The following CANX variants were observed in gnomAD, a reference collection of about 807,000 sequenced individuals.
The protein encoded by CANX is epididymis secretory sperm binding protein.
Under a neutral mutation model 75.7 loss-of-function variants are expected in CANX, and 14 were observed. The ratio of observed to expected loss-of-function variants is 0.19; its 90% confidence interval spans 0.12 to 0.29. The LOEUF is 0.29. Among genes scored for constraint, CANX ranks in the 10% least tolerant of loss-of-function variants. CANX has a pLI of 1.00. For missense variants in CANX, 567 were observed against 713.2 expected (o/e 0.79, Z 2.34); for synonymous variants, 227 against 236.9 (o/e 0.96, Z 0.38).
Position 179,723,664 on chromosome 5 carries a change from G to A in CANX, c.1403G>A (p.Gly468Asp). The A allele has an allele frequency of 6.2e-7, 1 of 1,612,652 alleles. No individual in the cohort carries two copies. The highest frequency in any genetic ancestry group is 1.3e-5 in the African/African-American group (1 of 74,898). ...KKAADGAAEP[G>D]VVGQMIEAAE... ...CAGCCCTGTCTTGTTTTTCAGCCAG[G>A]CGTTGTGGGGCAGATGATCGAGGCA... The change falls in exon 12 of 15, where the codon GGC (glycine) becomes GAC (aspartate). Residue 468 changes from glycine to aspartate, a missense_variant. Physicochemically the swap from Gly to Asp is moderately conservative, Grantham distance 94. Transcript: ENST00000247461.
intron 1 of CANX, chr5:179,679,077 ACTG>A: frequency 6.5e-7 from 1 of 1,535,616 alleles, no homozygotes; most frequent in Non-Finnish European, 8.7e-7. Flanking sequence ...TCGGCCCAAA[ACTG>A]CTGCAGCGTC....
chr5:179,697,164 G>A (rs1776425452), upstream of CANX, among the ~76,000 whole-genome samples: 1 of 151,996 alleles, frequency 6.6e-6, no homozygotes, highest in Non-Finnish European at 1.5e-5. Flanking sequence ...AGGAGTCAAG[G>A]ATACTCCTGC....
chr5:179,709,721 CT>C (rs1185849689), intron 6 of CANX, 151 bp from the exon 7 acceptor site: 2 of 523,924 alleles, frequency 3.8e-6, no homozygotes, highest in African/African-American at 3.9e-5. Flanking sequence ...CTGGTTATTC[CT>C]TTTTACTAAA....
chr5:179,700,312 T>C (rs1776653625), intron 1 of CANX: 1 of 152,228 alleles, frequency 6.6e-6, no homozygotes, highest in Non-Finnish European at 1.5e-5. Context: ...AGATTTTGCT[T>C]AATTTTTTAA....
At chr5:179,702,391 C>T (rs1450205922) in intron 1 of CANX, among the ~76,000 whole-genome samples, 1 of 151,930 alleles carries the variant, frequency 6.6e-6, no homozygotes, top group Non-Finnish European at 1.5e-5. Flanking sequence ...TCTCTCCCTT[C>T]TTCCCTCCCT....
intron 1 of CANX, chr5:179,704,064 C>T (rs1254346110): frequency 5.3e-5 from 8 of 152,066 alleles, no homozygotes; most frequent in African/African-American, 1.2e-4. Context: ...CCACCTTGTA[C>T]CTGTACTTTC....
chr5:179,706,161 T>C, intron 2 of CANX, 97 bp from the exon 3 acceptor site: 1 of 720,130 alleles, frequency 1.4e-6, no homozygotes, highest in South Asian at 1.8e-5. Flanking sequence ...TATGAAATTT[T>C]TGTGACAGTT....
At chr5:179,701,308 A>G (rs978952200) in intron 1 of CANX, among the ~76,000 whole-genome samples, 1 of 151,590 alleles carries the variant, frequency 6.6e-6, no homozygotes, top group Non-Finnish European at 1.5e-5. Context: ...AGTGTAATGA[A>G]TTGGCTGGGC....
At chr5:179,691,259 G>C (rs987664223) in intron 1 of CANX, among the ~76,000 whole-genome samples, 2 of 151,910 alleles carry the variant, frequency 1.3e-5, no homozygotes, top group Non-Finnish European at 1.5e-5. Flanking sequence ...TCCTGGCCTC[G>C]AGTGATCCAC....
intron 10 of CANX, among the ~76,000 whole-genome samples, chr5:179,721,221 G>T (rs1050022172): frequency 1.3e-5 from 2 of 151,380 alleles, no homozygotes; most frequent in Non-Finnish European, 3.0e-5. Flanking sequence ...GGGAGCACAG[G>T]TGTGCTCACA....
intron 7 of CANX, among the ~76,000 whole-genome samples, chr5:179,713,539 T>C (rs1386369013): frequency 6.6e-6 from 1 of 152,166 alleles, no homozygotes. Context: ...TATTTGATAG[T>C]ACAGTAGGGA....
upstream of CANX, chr5:179,698,533 C>T (rs144395041): frequency 2.1e-4 from 266 of 1,289,420 alleles, 4 homozygotes; most frequent in East Asian, 9.0e-3. Flanking sequence ...ACCCCTTTTG[C>T]CGGCTGCCGT....
chr5:179,705,939 A>C, intron 2 of CANX, 87 bp downstream of exon 2: 15 of 1,104,774 alleles, frequency 1.4e-5, no homozygotes, highest in Non-Finnish European at 1.6e-5. Context: ...ATGTAGTCTC[A>C]ACTACTCAGG....
rs770383889 is a variant in CANX, at chr5:179,719,622, A to C, written c.912-46A>C. On this transcript the variant is annotated intron_variant, in intron 8 of 14. Coordinates refer to ENST00000247461, the MANE Select transcript of CANX (RefSeq NM_001746.4). ...GTTCTGATCCACAAAGTGGTACTAT[A>C]CTGTGACCAGTGTTGTCATAACTGG... 1.5e-5 allele frequency: 16 copies of C among 1,063,052 alleles called. No individual in the cohort carries two copies. The South Asian group carries it at 2.1e-4, about 14-fold the overall frequency. 65.9% of individuals were successfully genotyped at this position (1,063,052 alleles called of 1,614,324 possible).
chr5:179,678,996 G>A (rs1404479283), intron 1 of CANX: 4 of 1,535,790 alleles, frequency 2.6e-6, no homozygotes, highest in Admixed American at 2.0e-5. Context: ...TGGTCCAGCA[G>A]GTAGAAGGTG....
Position 179,722,815 on chromosome 5 carries a change from A to G in CANX, c.1194A>G (p.Lys398=). 1 of 1,606,540 alleles carries G rather than the reference A, an allele frequency of 6.2e-7. No homozygotes were observed. The highest frequency in any genetic ancestry group is 1.3e-5 in the African/African-American group (1 of 74,726). The change falls in exon 11 of 15, where the codon AAA becomes AAG. Residue 398 remains lysine (K), a synonymous_variant. Coordinates refer to ENST00000247461, the MANE Select transcript of CANX (RefSeq NM_001746.4). The part of the protein sequence containing the change: ...IDNPSYQGIW[K]PRKIPNPDFF... Reference sequence around the variant, plus strand: ...ATTTTTTTTTCTAGGGAATCTGGAAACCCAGGAAAATACCAAATCCAGATT... The same window carrying G: ...ATTTTTTTTTCTAGGGAATCTGGAAGCCCAGGAAAATACCAAATCCAGATT...
chr5:179,710,707 C>CAAAAAAAAAA lies in CANX; in HGVS notation c.721+649_721+658dup, dbSNP rs71591440. On this transcript the variant is annotated intron_variant, in intron 7 of 14. Transcript: ENST00000247461. The stretch of plus-strand genomic sequence containing the variant: ...TAGGAGACAGAGCAAGACTCCATCT[C>CAAAAAAAAAA]AAAAAAAAAAAAAAAAGATTGTATA... Among the ~76,000 whole-genome samples, 43 of 27,358 alleles carry CAAAAAAAAAA rather than the reference C, an allele frequency of 1.6e-3. 6 individuals are homozygous for CAAAAAAAAAA. The highest frequency in any genetic ancestry group is 2.1e-3 in the African/African-American group (24 of 11,650). 17.9% of individuals were successfully genotyped at this position (27,358 alleles called of 152,430 possible). A position where few individuals can be genotyped will look rare whatever the true frequency, so the allele number is the denominator to read the frequency against.
chr5:179,689,490 C>T (rs1192512367), intron 1 of CANX, among the ~76,000 whole-genome samples: 7 of 142,166 alleles, frequency 4.9e-5, no homozygotes, highest in Non-Finnish European at 7.5e-5. Context: ...TGGGTTCAAG[C>T]GATTCTCCTG....
chr5:179,678,659 T>C (rs1266342143), exon 1 of CANX: 16 of 1,535,148 alleles, frequency 1.0e-5, no homozygotes, highest in Non-Finnish European at 1.4e-5. Flanking sequence ...CATCTTCCTC[T>C]GCCCGGCGCG....
Sources: gnomAD v4.1 joint callset for allele counts (sites outside exome capture counted in the v4.1 genomes callset) on GRCh38, gnomAD v4.1.1 for gene constraint, MANE v1.5 for transcripts, NCBI Gene and HGNC (gene_info 2026-07-23, HGNC 2026-07-21) for gene names.